Variants in TULP4 observed in about 807,000 individuals in gnomAD.
The protein encoded by TULP4 is TUB like protein 4.
A neutral mutation model predicts 129.0 loss-of-function variants in TULP4; 16 were observed. The ratio of observed to expected loss-of-function variants is 0.12; its 90% CI spans 0.08 to 0.19. TULP4 has a LOEUF of 0.19. TULP4 is among the 10% of genes least tolerant of loss of function. The pLI is 1.00. For synonymous variants in TULP4, 998 were observed against 854.0 expected (o/e 1.17, Z -2.94); for missense variants, 1,842 against 2,059.1 (o/e 0.89, Z 2.04).
At chr6:158,421,205 C>CA (rs1159851685) in intron 2 of TULP4, among the ~76,000 whole-genome samples, 1 of 151,550 alleles carries the variant, frequency 6.6e-6, no homozygotes, top group Non-Finnish European at 1.5e-5. Flanking sequence ...ACTAAAAATA[C>CA]AAAAAAATTA....
intron 1 of TULP4, among the ~76,000 whole-genome samples, chr6:158,276,306 C>CT (rs59674153): frequency 0.2 from 27,773 of 136,102 alleles, 3,279 homozygotes; most frequent in Non-Finnish European, 0.28. Context: ...CTTCTTCTTT[C>CT]TTTTTTTTTT....
chr6:158,311,361 G>A (rs1231074493), upstream of TULP4, among the ~76,000 whole-genome samples: 1 of 152,200 alleles, frequency 6.6e-6, no homozygotes, highest in Non-Finnish European at 1.5e-5. Context: ...AGGACTGGCG[G>A]GGCGGGAGGG....
At chr6:158,479,296 A>G (rs899850483) in intron 6 of TULP4, among the ~76,000 whole-genome samples, 19 of 152,360 alleles carry the variant, frequency 1.2e-4, no homozygotes, top group East Asian at 5.8e-4. Flanking sequence ...CCCTACTAGT[A>G]GAAACCTTAC....
intron 1 of TULP4, among the ~76,000 whole-genome samples, chr6:158,289,299 CT>C (rs1778888621): frequency 6.6e-6 from 1 of 152,048 alleles, no homozygotes; most frequent in Admixed American, 6.5e-5. Context: ...GCTGCTCTGT[CT>C]TTATCTATCT....
At chr6:158,347,978 T>G (rs530711698) in intron 1 of TULP4, among the ~76,000 whole-genome samples, 6 of 149,380 alleles carry the variant, frequency 4.0e-5, no homozygotes, top group Non-Finnish European at 7.5e-5. Context: ...CCAACCTGGG[T>G]TTTTTTTTTC....
rs538168072 is a variant in TULP4 at position 158,480,984 on chromosome 6, G to A, written c.1252-71G>A. 2.3e-4 allele frequency: 317 copies of A among 1,402,370 alleles called. 5 individuals are homozygous for A. In the South Asian group the frequency reaches 4.0e-3, roughly 18 times the overall value. 86.9% of individuals were successfully genotyped at this position (1,402,370 alleles called of 1,614,324 possible). On this transcript the variant is annotated intron_variant, in intron 7 of 13. Transcript: ENST00000367097. ...GCGTTTTTAGTTGACCTGCCCCCGT[G>A]CCCACTCTCTTTCCCTCTCTCTCTG...
intron 1 of TULP4, among the ~76,000 whole-genome samples, chr6:158,350,753 A>C (rs1476549143): frequency 1.4e-5 from 2 of 143,356 alleles, no homozygotes; most frequent in Non-Finnish European, 3.1e-5. Flanking sequence ...GGGAGATGGG[A>C]GAGGGGAGAG....
At chr6:158,478,215 A>G (rs934674357) in intron 6 of TULP4, among the ~76,000 whole-genome samples, 1 of 152,194 alleles carries the variant, frequency 6.6e-6, no homozygotes, top group Non-Finnish European at 1.5e-5. Flanking sequence ...GTTTACCTAT[A>G]TAACCTGCTT....
chr6:158,348,522 G>A (rs1226202633), intron 1 of TULP4, among the ~76,000 whole-genome samples: 3 of 152,144 alleles, frequency 2.0e-5, no homozygotes, highest in Admixed American at 6.5e-5. Flanking sequence ...GCATCCCAAG[G>A]CAGAAGAACA....
At chr6:158,241,681 G>T (rs1777917514) in intron 1 of TULP4, among the ~76,000 whole-genome samples, 1 of 152,080 alleles carries the variant, frequency 6.6e-6, no homozygotes, top group Non-Finnish European at 1.5e-5. Context: ...CGCAACCTCT[G>T]CGTCTCTGGT....
At chr6:158,289,975 C>G (rs1354548244) in intron 1 of TULP4, among the ~76,000 whole-genome samples, 1 of 152,102 alleles carries the variant, frequency 6.6e-6, no homozygotes. Flanking sequence ...AGGGTCTCAC[C>G]CTGTCACTGG....
chr6:158,291,125 T>C (rs1778931785), intron 1 of TULP4, among the ~76,000 whole-genome samples: 1 of 152,262 alleles, frequency 6.6e-6, no homozygotes, highest in Non-Finnish European at 1.5e-5. Context: ...GAACAGACAT[T>C]GTTTAATTTT....
chr6:158,351,337 C>T (rs1161342686), intron 1 of TULP4, among the ~76,000 whole-genome samples: 1 of 152,104 alleles, frequency 6.6e-6, no homozygotes, highest in African/African-American at 2.4e-5. Context: ...ATTTTTGTGC[C>T]TCAGTTCTCT....
intron 1 of TULP4, among the ~76,000 whole-genome samples, chr6:158,385,840 A>ATGTTTTTTTTTTTTTTT (rs1397821107): frequency 2.9e-5 from 1 of 34,026 alleles, no homozygotes; most frequent in African/African-American, 1.3e-4. Context: ...AATGTGGAAT[A>ATGTTTTTTTTTTTTTTT]TCTTTTTTTT....
intron 1 of TULP4, among the ~76,000 whole-genome samples, chr6:158,368,066 C>CAAAAAAAAAAAAAAA (rs3085241): frequency 0.014 from 904 of 64,964 alleles, 66 homozygotes; most frequent in Non-Finnish European, 0.02. Context: ...ACCCTGTCTC[C>CAAAAAAAAAAAAAAA]AAAAAAAAAA....
chr6:158,499,900 T>C (rs1780406092), intron 12 of TULP4, among the ~76,000 whole-genome samples: 1 of 152,172 alleles, frequency 6.6e-6, no homozygotes, highest in African/African-American at 2.4e-5. Flanking sequence ...ATCTTGCTTC[T>C]CTGTTGGTGA....
intron 1 of TULP4, among the ~76,000 whole-genome samples, chr6:158,410,479 A>G (rs998518934): frequency 2.6e-5 from 4 of 152,220 alleles, no homozygotes; most frequent in Non-Finnish European, 4.4e-5. Context: ...TTACATTTAA[A>G]TAAGGAAATA....
intron 3 of TULP4, among the ~76,000 whole-genome samples, chr6:158,437,545 G>GC (rs1220788928): frequency 6.6e-6 from 1 of 152,050 alleles, no homozygotes; most frequent in Middle Eastern, 3.4e-3. Flanking sequence ...GGGGAACAGA[G>GC]CAAGATCCGG....
At position 158,429,964 on chromosome 6, in the gene TULP4, G is replaced by A. The variant is rs566407257; in HGVS notation, c.543+67G>A. 3.5e-5 allele frequency: 52 copies of A among 1,465,098 alleles called. No individual in the cohort carries two copies. The South Asian group carries it at 4.9e-4, about 14-fold the overall frequency. 90.8% of individuals were successfully genotyped at this position (1,465,098 alleles called of 1,614,324 possible). A position where few individuals can be genotyped will look rare whatever the true frequency, so the allele number is the denominator to read the frequency against. On this transcript the variant is annotated intron_variant, in intron 3 of 13. Coordinates refer to ENST00000367097, the MANE Select transcript of TULP4 (RefSeq NM_020245.5). ...ATGAGGGCTGGGAGGGAAGAAAGGG[G>A]CAGGAGAGGGGAGCTGGTGCAAAAG...
Sources: allele counts gnomAD v4.1 joint callset (sites outside exome capture counted in the v4.1 genomes callset), GRCh38; gene constraint gnomAD v4.1.1; transcripts MANE v1.5; gene names NCBI Gene and HGNC (gene_info 2026-07-23, HGNC 2026-07-21).